Variants in TTYH3 observed in about 807,000 individuals in gnomAD.
TTYH3 encodes the protein protein tweety homolog 3.
Under a neutral mutation model 68.2 loss-of-function variants are expected in TTYH3, and 23 were observed. The ratio of observed to expected loss-of-function variants is 0.34; its 90% CI spans 0.24 to 0.48. The LOEUF is 0.48. Ranked by LOEUF, TTYH3 falls within the 20% of genes least tolerant of loss-of-function variation. The pLI is 0.99. For synonymous variants in TTYH3, 360 were observed against 332.8 expected, an observed-to-expected ratio of 1.08 and a Z score of -0.89; for missense variants, 768 against 727.7, an observed-to-expected ratio of 1.06 and a Z score of -0.64.
chr7:2,649,219 G>C (rs1470754424), intron 5 of TTYH3, among the ~76,000 whole-genome samples: 1 of 152,128 alleles, frequency 6.6e-6, no homozygotes, highest in Non-Finnish European at 1.5e-5. Flanking sequence ...CAGGCCCCTT[G>C]GGCTGCTACG....
intron 1 of TTYH3, among the ~76,000 whole-genome samples, chr7:2,637,743 G>T (rs1283993822): frequency 6.6e-6 from 1 of 152,124 alleles, no homozygotes; most frequent in Non-Finnish European, 1.5e-5. Flanking sequence ...GGTCACAGGA[G>T]GGCCTCCTGT....
intron 1 of TTYH3, among the ~76,000 whole-genome samples, chr7:2,636,199 G>A (rs888920880): frequency 1.3e-5 from 2 of 152,230 alleles, no homozygotes; most frequent in East Asian, 3.9e-4. Flanking sequence ...CAGCCTGGGG[G>A]GCAGTTCCCT....
chr7:2,659,465 C>G (rs1786431065), intron 13 of TTYH3, among the ~76,000 whole-genome samples: 1 of 152,194 alleles, frequency 6.6e-6, no homozygotes, highest in Non-Finnish European at 1.5e-5. Context: ...CGCTCCAGTT[C>G]CCAGGGGCCC....
chr7:2,637,665 A>G (rs1265525434), intron 1 of TTYH3, among the ~76,000 whole-genome samples: 1 of 152,144 alleles, frequency 6.6e-6, no homozygotes, highest in African/African-American at 2.4e-5. Context: ...GGTCAAGGAC[A>G]TGGGAAGTGC....
intron 1 of TTYH3, among the ~76,000 whole-genome samples, chr7:2,641,917 G>C (rs373192144): frequency 6.6e-6 from 1 of 152,250 alleles, no homozygotes; most frequent in Non-Finnish European, 1.5e-5. Flanking sequence ...CTGCATGCTC[G>C]CAGTGGTGGG....
chr7:2,632,528 G>C (rs936104695), intron 1 of TTYH3, among the ~76,000 whole-genome samples: 1 of 152,082 alleles, frequency 6.6e-6, no homozygotes, highest in African/African-American at 2.4e-5. Flanking sequence ...CCCCAGTGAG[G>C]GTCCACGGCC....
chr7:2,658,515 G>A (rs1406141186), intron 12 of TTYH3, 56 bp downstream of exon 12: 27 of 1,549,068 alleles, frequency 1.7e-5, no homozygotes, highest in Middle Eastern at 1.9e-4. Flanking sequence ...GGCTGAGAGC[G>A]CGGATCTGGG....
At chr7:2,632,338 C>G in intron 1 of TTYH3, 60 bp downstream of exon 1, 1 of 1,431,078 alleles carries the variant, frequency 7.0e-7, no homozygotes, top group Admixed American at 2.4e-5. Context: ...CCCCTCCTCT[C>G]CCAGGGTCAC....
chr7:2,656,108 T>C lies in TTYH3; in HGVS notation c.1037T>C (p.Val346Ala). The C allele has an allele frequency of 6.4e-7, 1 of 1,557,862 alleles. No individual in the cohort carries two copies. The highest frequency in any genetic ancestry group is 8.7e-7 in the Non-Finnish European group (1 of 1,149,586). ...QPATKDPLLR[V>A]QEVLNGTEVN... The stretch of plus-strand genomic sequence containing the variant: ...GCCCCCCAGGACCCCCTCCTCCGCG[T>C]CCAGGAGGTGCTGAATGGCACGGAG... The change falls in exon 10 of 14, where the codon GTC becomes GCC. Residue 346 changes from valine (V) to alanine (A), a missense_variant. Val to Ala is a moderately conservative substitution (Grantham distance 64). Transcript: ENST00000258796.
At chr7:2,635,464 G>C (rs187713635) in intron 1 of TTYH3, among the ~76,000 whole-genome samples, 118 of 152,322 alleles carry the variant, frequency 7.7e-4, no homozygotes, top group Admixed American at 2.5e-3. Context: ...CATGCCCACT[G>C]ACCTCAGCCT....
chr7:2,655,426 G>T (rs1786305506), intron 9 of TTYH3, among the ~76,000 whole-genome samples: 2 of 152,242 alleles, frequency 1.3e-5, no homozygotes, highest in East Asian at 3.8e-4. Flanking sequence ...GATTACAGGG[G>T]TGAGCCACCG....
At chr7:2,649,281 A>C (rs1250819946) in intron 5 of TTYH3, among the ~76,000 whole-genome samples, 1 of 152,058 alleles carries the variant, frequency 6.6e-6, no homozygotes, top group Admixed American at 6.5e-5. Context: ...TTGCCTGTTC[A>C]GGAGAGGGAC....
Position 2,658,428 on chromosome 7 carries a change from A to G in TTYH3, c.1393A>G (p.Thr465Ala), listed in dbSNP as rs748218249. 33 of 1,612,076 alleles carry G rather than the reference A, an allele frequency of 2.0e-5. No homozygotes were observed. Among genetic ancestry groups the G allele is most frequent in the Non-Finnish European group, 2.5e-5 (30 of 1,179,608 alleles). ...GACCAGCATCCCGGCCGCGGCCCAC[A>G]CCGTCAGCAACGCCCCGGTCACTGA... ...SETSIPAAAH[T>A]VSNAPVTEYM... The change falls in exon 12 of 14, where the codon ACC (threonine) becomes GCC (alanine). Residue 465 changes from threonine (T) to alanine (A), a missense_variant. Physicochemically the swap from Thr to Ala is moderately conservative, Grantham distance 58. Transcript: ENST00000258796.
chr7:2,652,260 C>A lies in TTYH3; in HGVS notation c.927+18C>A. The A allele has an allele frequency of 6.2e-7, 1 of 1,609,010 alleles. No individual in the cohort carries two copies. The highest frequency in any genetic ancestry group is 8.5e-7 in the Non-Finnish European group (1 of 1,179,072). On this transcript the variant is annotated intron_variant, in intron 8 of 13. Coordinates refer to ENST00000258796, the MANE Select transcript of TTYH3 (RefSeq NM_025250.3). ...TCCAGCAGGTGAGAGCCTGGGAGGC[C>A]GGGACTGGGCTTCAGGAGAGTCTGA...
chr7:2,658,192 G>C, intron 11 of TTYH3, 94 bp from the exon 12 acceptor site: 1 of 1,286,980 alleles, frequency 7.8e-7, no homozygotes, highest in Non-Finnish European at 1.0e-6. Flanking sequence ...CTGGAACCAG[G>C]AGTGTCTGTC....
rs373703533 is a variant in TTYH3 at position 2,659,027 on chromosome 7, G to A, written c.1500+12G>A. The A allele has an allele frequency of 1.1e-5, 17 of 1,613,026 alleles. No homozygotes were observed. Among genetic ancestry groups the A allele is most frequent in the Non-Finnish European group, 1.2e-5 (14 of 1,179,246 alleles). On this transcript the variant is annotated intron_variant, in intron 13 of 13. Transcript: ENST00000258796. ...CCCCGCCGCCCTCAGTAAGTCTTGG[G>A]GCAGGAGGGTGGATGGGGGGCTGCT...
Position 2,661,713 on chromosome 7 carries a change from C to T in TTYH3, c.1546C>T (p.Arg516Cys), listed in dbSNP as rs748401245. Residue 516 changes from arginine to cysteine, a missense_variant, in exon 14 of 14, where the codon CGC becomes TGC. Arg to Cys is a radical substitution (Grantham distance 180). Coordinates refer to ENST00000258796, the MANE Select transcript of TTYH3 (RefSeq NM_025250.3). ...RAKYLATSQP[R>C]PDSSGSH ...CAAATACCTCGCCACGAGCCAGCCT[C>T]GCCCTGACTCCAGCGGCAGCCACTA... 49 of 1,611,610 alleles carry T rather than the reference C, an allele frequency of 3.0e-5. No homozygotes were observed. Among genetic ancestry groups the T allele is most frequent in the Admixed American group, 8.3e-5 (5 of 59,908 alleles).
rs548968015 is a variant in TTYH3 at position 2,663,064 on chromosome 7, T to A, written c.*1325T>A. 6.6e-6 allele frequency: 1 copy of A among 152,326 alleles called. No homozygotes were observed. Among genetic ancestry groups the A allele is most frequent in the Non-Finnish European group, 1.5e-5 (1 of 68,084 alleles). 9.4% of individuals were successfully genotyped at this position (152,326 alleles called of 1,614,324 possible). On this transcript the variant is annotated 3_prime_UTR_variant, in exon 14 of 14. Coordinates refer to ENST00000258796, the MANE Select transcript of TTYH3 (RefSeq NM_025250.3). ...GCTTTTGGCTTTAGTGTACGATGTT[T>A]GCTGTGCTTCCCGCCGTGGAGGGCA...
chr7:2,646,883 G>T lies in TTYH3; in HGVS notation c.154G>T (p.Ala52Ser). The change falls in exon 2 of 14, where the codon GCC becomes TCC. Residue 52 changes from alanine (A) to serine (S), a missense_variant. Physicochemically the swap from Ala to Ser is moderately conservative, Grantham distance 99. Transcript: ENST00000258796. ...ALLLLGAAAL[A>S]CLALDLLFLL... ...GCTGCTCCTGGGGGCCGCCGCCCTGGCCTGCCTCGCCCTGGACCTCCTCTT... is the reference window on the plus strand; with the variant it reads ...GCTGCTCCTGGGGGCCGCCGCCCTGTCCTGCCTCGCCCTGGACCTCCTCTT... 1 of 1,597,704 alleles carries T rather than the reference G, an allele frequency of 6.3e-7. No homozygotes were observed. The highest frequency in any genetic ancestry group is 2.2e-5 in the East Asian group (1 of 44,816).
Sources: gnomAD v4.1 joint callset for allele counts (sites outside exome capture counted in the v4.1 genomes callset) on GRCh38, gnomAD v4.1.1 for gene constraint, MANE v1.5 for transcripts, NCBI Gene and HGNC (gene_info 2026-07-23, HGNC 2026-07-21) for gene names.